Variants in CAMK1D observed in about 807,000 individuals in gnomAD.
The protein encoded by CAMK1D is calcium/calmodulin dependent protein kinase ID.
CAMK1D carries 9 observed loss-of-function variants against 47.7 expected under a neutral mutation model. The ratio of observed to expected loss-of-function variants is 0.19; its 90% CI spans 0.11 to 0.33. The LOEUF (loss-of-function observed/expected upper bound fraction) is 0.33. CAMK1D is among the 10% of genes least tolerant of loss of function. CAMK1D has a pLI of 1.00. For synonymous variants in CAMK1D, 184 were observed against 184.9 expected (o/e 0.99, Z 0.04); for missense variants, 291 against 488.7 (o/e 0.60, Z 3.81).
At chr10:12,531,057 A>AAG (rs1391614275) in intron 1 of CAMK1D, among the ~76,000 whole-genome samples, 4 of 13,244 alleles carry the variant, frequency 3.0e-4, no homozygotes, top group Non-Finnish European at 6.1e-4. Context: ...GACTCTGCTT[A>AAG]AAAAAAAAAA....
At chr10:12,536,951 C>G (rs1046133375) in intron 1 of CAMK1D, among the ~76,000 whole-genome samples, 2 of 152,106 alleles carry the variant, frequency 1.3e-5, no homozygotes, top group African/African-American at 4.8e-5. Context: ...CCTCTAGATA[C>G]GTTGTGATAT....
At chr10:12,625,336 C>CAAAAAAAAAAAA (rs869128579) in intron 2 of CAMK1D, among the ~76,000 whole-genome samples, 1 of 42,358 alleles carries the variant, frequency 2.4e-5, no homozygotes, top group African/African-American at 5.8e-5. Flanking sequence ...ACTCCATGTA[C>CAAAAAAAAAAAA]AAAAAAAAAA....
intron 2 of CAMK1D, among the ~76,000 whole-genome samples, chr10:12,634,554 G>T (rs547690392): frequency 3.2e-4 from 48 of 152,252 alleles, no homozygotes; most frequent in African/African-American, 1.1e-3. Context: ...AGGAACTATT[G>T]TTCCCTCTCC....
chr10:12,577,635 T>G (rs1222660600), intron 2 of CAMK1D, among the ~76,000 whole-genome samples: 1 of 152,246 alleles, frequency 6.6e-6, no homozygotes, highest in Non-Finnish European at 1.5e-5. Flanking sequence ...GTCTGTATTT[T>G]GCTGCTAAGC....
intron 2 of CAMK1D, among the ~76,000 whole-genome samples, chr10:12,559,972 T>C (rs181504863): frequency 6.6e-6 from 1 of 152,234 alleles, no homozygotes; most frequent in East Asian, 1.9e-4. Context: ...TTAGCACCTC[T>C]GTCATGGGAA....
At chr10:12,784,917 C>A (rs1837659261) in intron 5 of CAMK1D, among the ~76,000 whole-genome samples, 1 of 152,180 alleles carries the variant, frequency 6.6e-6, no homozygotes, top group African/African-American at 2.4e-5. Context: ...GCCCCTCCAG[C>A]AGCGTGAAAT....
At chr10:12,545,575 G>A (rs1050804558) in intron 1 of CAMK1D, among the ~76,000 whole-genome samples, 4 of 151,880 alleles carry the variant, frequency 2.6e-5, no homozygotes, top group Non-Finnish European at 5.9e-5. Context: ...GTTGAGGTGG[G>A]CGGATCACGA....
At chr10:12,454,554 C>T (rs1370817326) in intron 1 of CAMK1D, among the ~76,000 whole-genome samples, 2 of 152,078 alleles carry the variant, frequency 1.3e-5, no homozygotes, top group Non-Finnish European at 2.9e-5. Flanking sequence ...CCTCAAATTC[C>T]TGGGCTCAAG....
At chr10:12,667,694 G>T (rs1241104313) in intron 3 of CAMK1D, among the ~76,000 whole-genome samples, 5 of 152,186 alleles carry the variant, frequency 3.3e-5, no homozygotes, top group African/African-American at 9.7e-5. Flanking sequence ...TTAATTTCAT[G>T]ATTTATTAAT....
intron 3 of CAMK1D, among the ~76,000 whole-genome samples, chr10:12,751,081 GAT>G (rs1835937709): frequency 6.5e-5 from 4 of 61,768 alleles, no homozygotes; most frequent in Admixed American, 1.4e-4. Flanking sequence ...GATAAGATAA[GAT>G]AAGATAAGAT....
chr10:12,534,431 A>G (rs1835905490), intron 1 of CAMK1D, among the ~76,000 whole-genome samples: 1 of 152,176 alleles, frequency 6.6e-6, no homozygotes, highest in African/African-American at 2.4e-5. Flanking sequence ...CAGTGGCACG[A>G]TCTCGGCTCA....
chr10:12,732,684 CT>C (rs1457093007), intron 3 of CAMK1D, among the ~76,000 whole-genome samples: 4 of 143,630 alleles, frequency 2.8e-5, no homozygotes, highest in Non-Finnish European at 6.1e-5. Context: ...CCCCCGCCCC[CT>C]GTCCCTCCCA....
chr10:12,634,203 T>C (rs7068237), intron 2 of CAMK1D, among the ~76,000 whole-genome samples: 2,056 of 152,332 alleles, frequency 0.013, 37 homozygotes, highest in African/African-American at 0.047. Flanking sequence ...GTAATTTCTT[T>C]GCAGGTCCTT....
chr10:12,563,664 T>TGA lies in CAMK1D; in HGVS notation c.224+10342_224+10343dup, dbSNP rs373932374. ...GGCATTCCAGAAGAGGCGGAAGGTTTGAGAGAGAGAGAGAGAGAGAGAGAG... is the reference window on the plus strand; with the variant it reads ...GGCATTCCAGAAGAGGCGGAAGGTTTGAGAGAGAGAGAGAGAGAGAGAGAGAG... On this transcript the variant is annotated intron_variant, in intron 2 of 10. Transcript: ENST00000619168. Among the ~76,000 whole-genome samples the TGA allele has an allele frequency of 3.6e-3, 472 of 130,128 alleles. 7 individuals carry two copies. The highest frequency in any genetic ancestry group is 0.017 in the South Asian group (60 of 3,538). 85.4% of individuals were successfully genotyped at this position (130,128 alleles called of 152,430 possible).
chr10:12,463,645 C>T (rs1346802701), intron 1 of CAMK1D, among the ~76,000 whole-genome samples: 2 of 151,728 alleles, frequency 1.3e-5, no homozygotes, highest in Admixed American at 6.6e-5. Flanking sequence ...GTTTTCACTA[C>T]GATGTTCTCG....
intron 3 of CAMK1D, among the ~76,000 whole-genome samples, chr10:12,678,497 G>T (rs1197952218): frequency 6.6e-6 from 1 of 152,126 alleles, no homozygotes; most frequent in Non-Finnish European, 1.5e-5. Context: ...TATCTGTTAG[G>T]TCCAGTTGTT....
intron 1 of CAMK1D, among the ~76,000 whole-genome samples, chr10:12,403,201 A>G (rs1364467778): frequency 6.6e-6 from 1 of 152,240 alleles, no homozygotes; most frequent in Non-Finnish European, 1.5e-5. Flanking sequence ...AGCCAGATGC[A>G]GTGAAAAGTT....
intron 1 of CAMK1D, among the ~76,000 whole-genome samples, chr10:12,376,162 CAAAAAAAAA>C (rs59804213): frequency 1.0e-4 from 6 of 59,996 alleles, no homozygotes; most frequent in East Asian, 6.1e-4. Flanking sequence ...GACTCTGTCC[CAAAAAAAAA>C]AAAAAAAAAA....
At chr10:12,553,154 T>C in intron 1 of CAMK1D, 71 bp from the exon 2 acceptor site, 1 of 1,603,966 alleles carries the variant, frequency 6.2e-7, no homozygotes, top group Admixed American at 1.7e-5. Flanking sequence ...ACTTCGGTGG[T>C]AGGGTGAATG....
Sources: gnomAD v4.1 joint callset for allele counts (sites outside exome capture counted in the v4.1 genomes callset) on GRCh38, gnomAD v4.1.1 for gene constraint, MANE v1.5 for transcripts, NCBI Gene and HGNC (gene_info 2026-07-23, HGNC 2026-07-21) for gene names.